The following FANCC variants were observed in gnomAD, a reference collection of about 807,000 sequenced individuals.
The protein encoded by FANCC is Fanconi anemia group C protein.
In FANCC, 55 loss-of-function variants were observed where a neutral mutation model predicts 71.3. That is an observed-to-expected ratio of 0.77 (90% CI 0.62 to 0.97). The LOEUF is 0.97. Among genes scored for constraint, FANCC ranks in the 50% least tolerant of loss-of-function variants. The pLI, the probability that FANCC is intolerant of heterozygous loss-of-function variation, is 0.00. For synonymous variants in FANCC, 275 were observed against 244.9 expected, an observed-to-expected ratio of 1.12 and a Z score of -1.15; for missense variants, 678 against 670.9, an observed-to-expected ratio of 1.01 and a Z score of -0.12.
intron 7 of FANCC, among the ~76,000 whole-genome samples, chr9:95,139,646 T>C (rs1828286425): frequency 6.6e-6 from 1 of 151,748 alleles, no homozygotes; most frequent in Admixed American, 6.6e-5. Flanking sequence ...TGGAGTGATG[T>C]GGCTATGGTG....
chr9:95,149,744 G>T (rs2135423585), intron 7 of FANCC, among the ~76,000 whole-genome samples, 179 bp downstream of exon 7: 1 of 152,222 alleles, frequency 6.6e-6, no homozygotes, highest in African/African-American at 2.4e-5. Context: ...CTCCCAAAGT[G>T]CTGGGATTAC....
At chr9:95,185,025 C>G (rs540042261) in intron 4 of FANCC, among the ~76,000 whole-genome samples, 4 of 152,342 alleles carry the variant, frequency 2.6e-5, no homozygotes, top group East Asian at 1.9e-4. Context: ...CTCTTAAAAT[C>G]TGAAATCCTT....
chr9:95,128,913 T>TC (rs1028139640), intron 8 of FANCC, among the ~76,000 whole-genome samples: 1 of 151,854 alleles, frequency 6.6e-6, no homozygotes, highest in African/African-American at 2.4e-5. Context: ...AGTCTCCTTT[T>TC]TTTTTTTTTT....
rs755623110 is a variant in FANCC, at chr9:95,110,503, C to G, written c.1329+960G>C. 4 of 1,030,182 alleles carry G rather than the reference C, an allele frequency of 3.9e-6. No homozygotes were observed. In the African/African-American group the frequency reaches 5.1e-5, roughly 13 times the overall value. The allele number at this position is 1,030,182 out of a possible 1,614,324, so 63.8% of individuals were successfully genotyped here. On this transcript the variant is annotated intron_variant, in intron 13 of 14. Coordinates refer to ENST00000289081, the MANE Select transcript of FANCC (RefSeq NM_000136.3). ...TCAGACAGCAATCCTCAAATACATA[C>G]GTGGGTTATAATTTTTTCACAAAGC...
intron 8 of FANCC, among the ~76,000 whole-genome samples, chr9:95,129,048 A>T (rs952353146): frequency 2.0e-5 from 3 of 151,942 alleles, no homozygotes; most frequent in Non-Finnish European, 2.9e-5. Context: ...GATTACAGGC[A>T]CGTGCCACCA....
intron 10 of FANCC, among the ~76,000 whole-genome samples, chr9:95,119,714 T>C (rs2072718157): frequency 6.6e-6 from 1 of 151,778 alleles, no homozygotes; most frequent in African/African-American, 2.4e-5. Flanking sequence ...AATTTTACAT[T>C]CCTTTCTTAT....
chr9:95,133,851 C>A (rs140088062), intron 8 of FANCC, among the ~76,000 whole-genome samples: 243 of 152,270 alleles, frequency 1.6e-3, no homozygotes, highest in African/African-American at 5.5e-3. Context: ...CTTGAATCAC[C>A]AGGAATGGGC....
At chr9:95,114,771 C>T (rs2072252260) in intron 11 of FANCC, 61 bp from the exon 12 acceptor site, 2 of 1,417,796 alleles carry the variant, frequency 1.4e-6, no homozygotes, top group African/African-American at 2.8e-5. Flanking sequence ...CATGAGGAAC[C>T]ACCTGCAGGG....
At chr9:95,210,490 C>T (rs1828425764) in intron 4 of FANCC, among the ~76,000 whole-genome samples, 1 of 152,100 alleles carries the variant, frequency 6.6e-6, no homozygotes, top group South Asian at 2.1e-4. Context: ...TTTTTGAGCA[C>T]ATAACATCAG....
intron 1 of FANCC, among the ~76,000 whole-genome samples, chr9:95,270,880 T>G (rs1832675509): frequency 6.6e-6 from 1 of 152,202 alleles, no homozygotes. Flanking sequence ...CCTGCTCGAT[T>G]TGGCCCATTT....
At chr9:95,131,482 C>G (rs1485164450) in intron 8 of FANCC, among the ~76,000 whole-genome samples, 2 of 152,204 alleles carry the variant, frequency 1.3e-5, no homozygotes, top group Non-Finnish European at 2.9e-5. Context: ...CAAGGAAACT[C>G]GCAACGTGGG....
At chr9:95,205,537 A>G (rs981481655) in intron 4 of FANCC, among the ~76,000 whole-genome samples, 1 of 151,942 alleles carries the variant, frequency 6.6e-6, no homozygotes, top group African/African-American at 2.4e-5. Flanking sequence ...TTATTAAAAT[A>G]TCTGTGTTTT....
At chr9:95,284,256 C>G (rs1833540297) in intron 1 of FANCC, among the ~76,000 whole-genome samples, 1 of 152,156 alleles carries the variant, frequency 6.6e-6, no homozygotes, top group African/African-American at 2.4e-5. Context: ...CCTGAAAGCC[C>G]CAAAGTTGTT....
In FANCC at chr9:95,249,285, G is replaced by C. The variant is rs1046396741; in HGVS notation, c.7C>G (p.Gln3Glu). MA[Q>E]DSVDLSCDYQ... ...TCACAAGAAAGATCTACTGAATCTT[G>C]AGCCATCTTGGAAAAAGCGAAAAGG... Residue 3 changes from glutamine to glutamate, a missense_variant, in exon 2 of 15, where the codon CAA (glutamine) becomes GAA (glutamate). Coordinates refer to ENST00000289081, the MANE Select transcript of FANCC (RefSeq NM_000136.3). 2 of 1,613,884 alleles carry C rather than the reference G, an allele frequency of 1.2e-6. No homozygotes were observed. Among genetic ancestry groups the C allele is most frequent in the African/African-American group, 2.7e-5 (2 of 74,904 alleles).
intron 12 of FANCC, among the ~76,000 whole-genome samples, chr9:95,112,585 A>C (rs2072035777): frequency 6.6e-6 from 1 of 152,214 alleles, no homozygotes. Flanking sequence ...GGGCTGGGTT[A>C]GGCTGTACCA....
In FANCC at chr9:95,224,504, T is replaced by TA. The variant is rs927274972; in HGVS notation, c.345+16144dup. Among the ~76,000 whole-genome samples the TA allele has an allele frequency of 1.9e-3, 267 of 143,878 alleles. 1 individual carries two copies. Among genetic ancestry groups the TA allele is most frequent in the African/African-American group, 3.1e-3 (123 of 39,500 alleles). 94.4% of individuals were successfully genotyped at this position (143,878 alleles called of 152,430 possible). ...TAATACCATCCTTTTGAAGATTGGTTAAAAAAAAAAAACAGAAAATTTATC... is the reference window on the plus strand; with the variant it reads ...TAATACCATCCTTTTGAAGATTGGTTAAAAAAAAAAAAACAGAAAATTTATC... On this transcript the variant is annotated intron_variant, in intron 4 of 14. Transcript: ENST00000289081.
At chr9:95,137,474 T>A (rs1827870769) in intron 7 of FANCC, among the ~76,000 whole-genome samples, 1 of 151,982 alleles carries the variant, frequency 6.6e-6, no homozygotes, top group Middle Eastern at 3.2e-3. Flanking sequence ...GCAGGCCCCG[T>A]TCCTCATCTC....
intron 6 of FANCC, among the ~76,000 whole-genome samples, chr9:95,167,201 C>T (rs1397315891): frequency 6.6e-6 from 1 of 152,136 alleles, no homozygotes; most frequent in Non-Finnish European, 1.5e-5. Context: ...CTGGAACCTT[C>T]CTTGTACATG....
At chr9:95,202,120 A>G (rs1422135175) in intron 4 of FANCC, among the ~76,000 whole-genome samples, 1 of 152,234 alleles carries the variant, frequency 6.6e-6, no homozygotes, top group Non-Finnish European at 1.5e-5. Context: ...AATCACCTAC[A>G]ATGTTAAATA....
Sources: allele counts gnomAD v4.1 joint callset (sites outside exome capture counted in the v4.1 genomes callset), GRCh38; gene constraint gnomAD v4.1.1; transcripts MANE v1.5; gene names NCBI Gene and HGNC (gene_info 2026-07-23, HGNC 2026-07-21).